Variants in PTK7 observed in about 807,000 individuals in gnomAD.
PTK7 encodes inactive tyrosine-protein kinase 7.
In PTK7, 39 loss-of-function variants were observed where a neutral mutation model predicts 116.6. The ratio of observed to expected loss-of-function variants is 0.33; its 90% CI spans 0.26 to 0.44. PTK7 has a LOEUF of 0.44. Among genes scored for constraint, PTK7 ranks in the 20% least tolerant of loss-of-function variants. The probability of loss-of-function intolerance (pLI) is 1.00; values close to 1 mark genes in which losing one functional copy is unlikely to be tolerated. For synonymous variants in PTK7, 546 were observed against 563.6 expected, an observed-to-expected ratio of 0.97 and a Z score of 0.44; for missense variants, 1,169 against 1,425.6, an observed-to-expected ratio of 0.82 and a Z score of 2.90.
At chr6:43,146,813 AC>A (rs1770756331) in intron 17 of PTK7, 115 bp downstream of exon 17, 3 of 830,332 alleles carry the variant, frequency 3.6e-6, no homozygotes, top group Admixed American at 2.2e-5. Context: ...TAAGAACTTC[AC>A]ATGTGTTACT....
intron 1 of PTK7, among the ~76,000 whole-genome samples, chr6:43,107,179 C>T (rs968476144): frequency 6.6e-6 from 1 of 152,158 alleles, no homozygotes; most frequent in African/African-American, 2.4e-5. Flanking sequence ...CATCCTCGAC[C>T]TCCCAAAGTG....
chr6:43,161,667 G>A lies in PTK7; in HGVS notation c.*786G>A, dbSNP rs933854303. ...TTGTTTGTTTTGTTTTTTTGTTTTT[G>A]TTTTTGTTTTTACACTCGCTGCTCT... On this transcript the variant is annotated 3_prime_UTR_variant, in exon 20 of 20. Transcript: ENST00000230419. The A allele has an allele frequency of 6.6e-6, 1 of 151,726 alleles. No homozygotes were observed. Among genetic ancestry groups the A allele is most frequent in the South Asian group, 2.1e-4 (1 of 4,746 alleles). 9.4% of individuals were successfully genotyped at this position (151,726 alleles called of 1,614,324 possible). A position where few individuals can be genotyped will look rare whatever the true frequency, so the allele number is the denominator to read the frequency against.
chr6:43,087,162 C>T (rs111912958), intron 1 of PTK7, among the ~76,000 whole-genome samples: 7 of 152,296 alleles, frequency 4.6e-5, no homozygotes, highest in African/African-American at 1.2e-4. Flanking sequence ...TAGGAGAAGC[C>T]GGTGAGGGTG....
chr6:43,114,694 G>C (rs571642031), intron 1 of PTK7, among the ~76,000 whole-genome samples: 1 of 152,082 alleles, frequency 6.6e-6, no homozygotes, highest in Non-Finnish European at 1.5e-5. Flanking sequence ...AGCCGTCCGC[G>C]TGTGCTTTAT....
Position 43,143,339 on chromosome 6 carries a change from G to A in PTK7, c.2048-78G>A. On this transcript the variant is annotated intron_variant, in intron 13 of 19. Coordinates refer to ENST00000230419, the MANE Select transcript of PTK7 (RefSeq NM_002821.5). The surrounding 1 kb of genome is among the most constrained non-coding windows in gnomAD (Gnocchi z 4.2). Reference sequence around the variant, plus strand: ...ATCTGTTAAGTTGCCCTGTTGATGGGGTTGGGAGGAGTTAGTAGAGAAGCA... The same window carrying A: ...ATCTGTTAAGTTGCCCTGTTGATGGAGTTGGGAGGAGTTAGTAGAGAAGCA... 1 of 1,434,828 alleles carries A rather than the reference G, an allele frequency of 7.0e-7. No homozygotes were observed. Among genetic ancestry groups the A allele is most frequent in the Admixed American group, 1.9e-5 (1 of 51,318 alleles). The allele number at this position is 1,434,828 out of a possible 1,614,324, so 88.9% of individuals were successfully genotyped here.
In PTK7 at chr6:43,157,374, TTC is replaced by T. The variant is rs1561990736; in HGVS notation, c.2722-1441_2722-1440del. Among the ~76,000 whole-genome samples, 180 of 72,944 alleles carry T rather than the reference TTC, an allele frequency of 2.5e-3. 11 individuals carry two copies. Among genetic ancestry groups the T allele is most frequent in the African/African-American group, 9.9e-3 (159 of 16,042 alleles). 47.9% of individuals were successfully genotyped at this position (72,944 alleles called of 152,430 possible). ...TATATATATATATATATTTTTTTTT[TTC>T]TTTTTTTTTTTTTTTTTTTAATAGA... On this transcript the variant is annotated intron_variant, in intron 17 of 19. Transcript: ENST00000230419.
At chr6:43,146,816 T>C (rs1221823850) in intron 17 of PTK7, 118 bp downstream of exon 17, 11 of 816,058 alleles carry the variant, frequency 1.3e-5, no homozygotes, top group Non-Finnish European at 1.8e-5. Flanking sequence ...GAACTTCACA[T>C]GTGTTACTGT....
In PTK7 at chr6:43,132,690, G is replaced by T; in HGVS notation, c.1228+3G>T. ...GGATGTCAACATCACTGTGGCCAGT[G>T]AGCACCTTTGCCCTGAAGGTCAAGG... is the stretch of plus-strand genomic sequence containing the variant. On this transcript the variant is annotated splice_donor_region_variant and intron_variant, in intron 7 of 19. Transcript: ENST00000230419. 1 of 1,558,032 alleles carries T rather than the reference G, an allele frequency of 6.4e-7. No homozygotes were observed. The highest frequency in any genetic ancestry group is 8.7e-7 in the Non-Finnish European group (1 of 1,150,796).
intron 7 of PTK7, among the ~76,000 whole-genome samples, chr6:43,136,815 A>G (rs914423365): frequency 1.3e-5 from 2 of 152,208 alleles, no homozygotes; most frequent in South Asian, 4.1e-4. Flanking sequence ...AGCCTGGACC[A>G]CATGGCCAGA....
Position 43,095,008 on chromosome 6 carries a change from C to T in PTK7, c.79+18441C>T, listed in dbSNP as rs548039969. ...GCAGTGAGCTGAAATCATGCCACTG[C>T]GCTCCAGCCTGGGCTACAGAGCGAG... is the stretch of plus-strand genomic sequence containing the variant. On this transcript the variant is annotated intron_variant, in intron 1 of 19. Transcript: ENST00000230419. 2.6e-3 allele frequency among the ~76,000 whole-genome samples: 393 copies of T among 150,862 alleles called. 1 individual carries two copies. Among genetic ancestry groups the T allele is most frequent in the Non-Finnish European group, 4.9e-3 (329 of 67,828 alleles).
chr6:43,130,648 A>G lies in PTK7; in HGVS notation c.799A>G (p.Thr267Ala), dbSNP rs375770323. The change falls in exon 5 of 20, where the codon ACT becomes GCT. Residue 267 changes from threonine (T) to alanine (A), a missense_variant. Physicochemically the swap from Thr to Ala is moderately conservative, Grantham distance 58. This residue lies in a region of PTK7 where 487 missense variants were observed against 549.8 expected (regional missense o/e 0.89). Coordinates refer to ENST00000230419, the MANE Select transcript of PTK7 (RefSeq NM_002821.5). ...GCTCTTTGAGGATGAGACTCCCATC[A>G]CTAACCGCAGTCGGTAAGGCATCTG... The part of the protein sequence containing the change: ...QWLFEDETPI[T>A]NRSRPPHLRR... The G allele has an allele frequency of 9.9e-5, 160 of 1,614,014 alleles. No homozygotes were observed. The highest frequency in any genetic ancestry group is 1.3e-4 in the Non-Finnish European group (158 of 1,180,016).
intron 1 of PTK7, among the ~76,000 whole-genome samples, chr6:43,106,041 A>G (rs1365062119): frequency 6.6e-6 from 1 of 151,582 alleles, no homozygotes; most frequent in Non-Finnish European, 1.5e-5. Flanking sequence ...TCCATTTCCT[A>G]CCCTAGCAAC....
chr6:43,088,690 A>AAAATAAAT (rs57382055), intron 1 of PTK7, among the ~76,000 whole-genome samples: 1,504 of 149,228 alleles, frequency 0.01, 9 homozygotes, highest in Middle Eastern at 0.024. Flanking sequence ...ACGCCATCTC[A>AAAATAAAT]AAATAAATAA....
In PTK7 at chr6:43,141,414, T is replaced by G. The variant is rs1770397511; in HGVS notation, c.1619-254T>G. ...CAGCGGAGTAGGAACAGGGCCGATC[T>G]GGGCCCAAACAGAGTCCGGTTTGGC... On this transcript the variant is annotated intron_variant, in intron 10 of 19. Coordinates refer to ENST00000230419, the MANE Select transcript of PTK7 (RefSeq NM_002821.5). The surrounding 1 kb of genome is among the most constrained non-coding windows in gnomAD (Gnocchi z 4.9). Among the ~76,000 whole-genome samples the G allele has an allele frequency of 6.6e-6, 1 of 152,080 alleles. No individual in the cohort carries two copies. The highest frequency in any genetic ancestry group is 1.5e-5 in the Non-Finnish European group (1 of 68,020).
chr6:43,079,872 A>G (rs546348616), intron 1 of PTK7, among the ~76,000 whole-genome samples: 1 of 149,824 alleles, frequency 6.7e-6, no homozygotes, highest in East Asian at 2.0e-4. Flanking sequence ...CAGCCTTGGC[A>G]ACACAATGAG....
chr6:43,096,963 T>C (rs1170119981), intron 1 of PTK7, among the ~76,000 whole-genome samples: 1 of 152,366 alleles, frequency 6.6e-6, no homozygotes, highest in East Asian at 1.9e-4. Flanking sequence ...CTTGGGGCCG[T>C]GGAGAGCAAG....
chr6:43,118,655 C>A lies in PTK7; in HGVS notation c.80-10322C>A, dbSNP rs866253334. 4.2e-3 allele frequency among the ~76,000 whole-genome samples: 293 copies of A among 70,228 alleles called. 1 individual carries two copies. The highest frequency in any genetic ancestry group is 0.015 in the African/African-American group (196 of 13,008). 46.1% of individuals were successfully genotyped at this position (70,228 alleles called of 152,430 possible). On this transcript the variant is annotated intron_variant, in intron 1 of 19. Transcript: ENST00000230419. ...TCTCTCTCTCTCTCTCTCTCTCTCT[C>A]TCTCTATATATATATATATATATAT...
In PTK7 at chr6:43,129,509, G is replaced by A. The variant is rs73736707; in HGVS notation, c.368-218G>A. 9.7e-3 allele frequency: 6,896 copies of A among 710,914 alleles called. 352 individuals carry two copies. In the African/African-American group the frequency reaches 0.11, roughly 11 times the overall value. 44.0% of individuals were successfully genotyped at this position (710,914 alleles called of 1,614,324 possible). A position where few individuals can be genotyped will look rare whatever the true frequency, so the allele number is the denominator to read the frequency against. On this transcript the variant is annotated intron_variant, in intron 2 of 19. Transcript: ENST00000230419. The surrounding 1 kb of genome is among the most constrained non-coding windows in gnomAD (Gnocchi z 4.5). ...GCATGCTTGTGCAAATGGAAAGGGC[G>A]GCCGAGCCCTTGGCCAAGTGTCAGA...
rs565118754 is a variant in PTK7, at chr6:43,138,702, C to T, written c.1229-147C>T. The T allele has an allele frequency of 4.3e-6, 5 of 1,167,460 alleles. No homozygotes were observed. The South Asian group carries it at 9.4e-5, about 22-fold the overall frequency. 72.3% of individuals were successfully genotyped at this position (1,167,460 alleles called of 1,614,324 possible). On this transcript the variant is annotated intron_variant, in intron 7 of 19. Transcript: ENST00000230419. ...TTAAAAAAGGTGCTGGCACCTGGGTCTTCCGTAAAGGGAAACTCCTGCCAT... is the reference window on the plus strand; with the variant it reads ...TTAAAAAAGGTGCTGGCACCTGGGTTTTCCGTAAAGGGAAACTCCTGCCAT...
Sources: allele counts gnomAD v4.1 joint callset (sites outside exome capture counted in the v4.1 genomes callset), GRCh38; gene constraint gnomAD v4.1.1; regional missense constraint gnomAD v4.1.1; non-coding constraint Gnocchi (gnomAD v3.1); transcripts MANE v1.5; gene names NCBI Gene and HGNC (gene_info 2026-07-23, HGNC 2026-07-21).